HSD3B1: variants seen among roughly 807,000 people sequenced by gnomAD.
HSD3B1 encodes the protein hydroxy-delta-5-steroid dehydrogenase, 3 beta- and steroid delta-isomerase 1, also known as 3 beta-hydroxysteroid dehydrogenase/Delta 5-->4-isomerase type 1.
HSD3B1 carries 11 observed loss-of-function variants against 10.4 expected under a neutral mutation model. The ratio of observed to expected loss-of-function variants is 1.05; its 90% CI spans 0.66 to 1.75. The LOEUF is 1.75. Ranked by LOEUF, HSD3B1 falls within the 40% of genes most tolerant of loss-of-function variation. The pLI is 0.00. For synonymous variants in HSD3B1, 217 were observed against 185.4 expected (o/e 1.17, Z -1.39); for missense variants, 490 against 454.5 (o/e 1.08, Z -0.71).
Position 119,514,174 on chromosome 1 carries a change from G to C in HSD3B1, c.651G>C (p.Lys217Asn), listed in dbSNP as rs748352547. 6.2e-7 allele frequency: 1 copy of C among 1,614,132 alleles called. No individual in the cohort carries two copies. The highest frequency in any genetic ancestry group is 2.2e-5 in the East Asian group (1 of 44,858). Residue 217 changes from lysine to asparagine, a missense_variant, in exon 4 of 4, where the codon AAG becomes AAC. Transcript: ENST00000369413. ...ATGGGATCCTGTCAAGTGTTGGAAA[G>C]TTCTCCACTGTTAACCCAGTCTATG... is the stretch of plus-strand genomic sequence containing the variant. ...NNNGILSSVG[K>N]FSTVNPVYVG...
chr1:119,510,192 G>A (rs954964514), intron 2 of HSD3B1, among the ~76,000 whole-genome samples: 6 of 152,182 alleles, frequency 3.9e-5, no homozygotes, highest in Non-Finnish European at 8.8e-5. Flanking sequence ...TACTGGCAGC[G>A]TCACTTCCTG....
At chr1:119,510,342 G>A (rs1312900397) in intron 2 of HSD3B1, among the ~76,000 whole-genome samples, 1 of 152,126 alleles carries the variant, frequency 6.6e-6, no homozygotes, top group African/African-American at 2.4e-5. Flanking sequence ...AGTTTTCCAG[G>A]GAAATTCATC....
chr1:119,511,332 C>T (rs1177191575), intron 2 of HSD3B1, among the ~76,000 whole-genome samples, 171 bp from the exon 3 acceptor site: 41 of 152,186 alleles, frequency 2.7e-4, no homozygotes, highest in Admixed American at 2.7e-3. Flanking sequence ...GAAATTGATA[C>T]ACATGCTGAT....
In HSD3B1 at chr1:119,514,823, C is replaced by A; in HGVS notation, c.*178C>A. The stretch of plus-strand genomic sequence containing the variant: ...ATCAAAACCTGCGCAGTCATTGGCC[C>A]AACAAGAAGGTTTCTGTCCTAATCA... On this transcript the variant is annotated 3_prime_UTR_variant, in exon 4 of 4. Transcript: ENST00000369413. The A allele has an allele frequency of 2.9e-6, 2 of 694,510 alleles. No individual in the cohort carries two copies. The highest frequency in any genetic ancestry group is 2.5e-6 in the Non-Finnish European group (1 of 403,120). 43.0% of individuals were successfully genotyped at this position (694,510 alleles called of 1,614,324 possible).
chr1:119,508,637 A>T (rs1035066317), intron 2 of HSD3B1, among the ~76,000 whole-genome samples: 2 of 152,156 alleles, frequency 1.3e-5, no homozygotes, highest in East Asian at 3.9e-4. Context: ...GGCAAAGTGG[A>T]TCTTCAGTCT....
chr1:119,514,328 A>C lies in HSD3B1; in HGVS notation c.805A>C (p.Asn269His). Reference protein sequence around the residue: ...DTPHQSYDNLNYTLSKEFGLR... With the variant: ...DTPHQSYDNLHYTLSKEFGLR... ...GCCTCACCAAAGCTATGATAACCTT[A>C]ATTACACCCTGAGCAAAGAGTTCGG... The change falls in exon 4 of 4, where the codon AAT becomes CAT. Residue 269 changes from asparagine to histidine, a missense_variant. Asn to His is a moderately conservative substitution (Grantham distance 68, BLOSUM62 1). Coordinates refer to ENST00000369413, the MANE Select transcript of HSD3B1 (RefSeq NM_000862.3). 1 of 1,614,068 alleles carries C rather than the reference A, an allele frequency of 6.2e-7. No individual in the cohort carries two copies. The highest frequency in any genetic ancestry group is 8.5e-7 in the Non-Finnish European group (1 of 1,180,014).
intron 2 of HSD3B1, among the ~76,000 whole-genome samples, chr1:119,508,563 G>A (rs867114798): frequency 3.3e-5 from 5 of 152,140 alleles, no homozygotes; most frequent in Admixed American, 2.6e-4. Context: ...TGATTGATGC[G>A]TAGCAGAGCT....
intron 2 of HSD3B1, among the ~76,000 whole-genome samples, chr1:119,508,392 T>A (rs1170121109): frequency 6.6e-6 from 1 of 151,606 alleles, no homozygotes; most frequent in South Asian, 2.1e-4. Context: ...AACAAAACAT[T>A]TACCTCTGTT....
At chr1:119,510,534 C>T (rs1451436363) in intron 2 of HSD3B1, among the ~76,000 whole-genome samples, 1 of 151,890 alleles carries the variant, frequency 6.6e-6, no homozygotes, top group Non-Finnish European at 1.5e-5. Flanking sequence ...CCTCTGCTTC[C>T]ACTGCTGGAC....
intron 3 of HSD3B1, among the ~76,000 whole-genome samples, chr1:119,513,517 C>T (rs751775504): frequency 2.6e-5 from 4 of 151,974 alleles, no homozygotes; most frequent in Admixed American, 6.6e-5. Flanking sequence ...TTTGTCAATA[C>T]CCTTACTTGG....
rs2101464810 is a variant in HSD3B1 at position 119,514,017 on chromosome 1, C to G, written c.494C>G (p.Ala165Gly). Residue 165 changes from alanine (A) to glycine (G), a missense_variant, in exon 4 of 4, where the codon GCT becomes GGT. Coordinates refer to ENST00000369413, the MANE Select transcript of HSD3B1 (RefSeq NM_000862.3). ...YPHSKKLAEKAVLAANGWNLK... is the reference protein window; with the variant it reads ...YPHSKKLAEKGVLAANGWNLK... ...CACAGCAAAAAGCTTGCTGAGAAGG[C>G]TGTACTGGCGGCTAACGGGTGGAAT... 8 of 1,614,140 alleles carry G rather than the reference C, an allele frequency of 5.0e-6. No individual in the cohort carries two copies. Among genetic ancestry groups the G allele is most frequent in the Non-Finnish European group, 6.8e-6 (8 of 1,180,014 alleles).
intron 3 of HSD3B1, 137 bp from the exon 4 acceptor site, chr1:119,513,697 A>G: frequency 2.4e-6 from 2 of 825,912 alleles, no homozygotes; most frequent in Non-Finnish European, 3.9e-6. Flanking sequence ...TCTCAGACAG[A>G]ACCACAGAAG....
intron 3 of HSD3B1, among the ~76,000 whole-genome samples, chr1:119,513,072 C>T (rs893825442): frequency 6.6e-6 from 1 of 152,172 alleles, no homozygotes; most frequent in African/African-American, 2.4e-5. Flanking sequence ...ACACTTCTCT[C>T]CCCAGCCCTC....
rs771584625 is a variant in HSD3B1 at position 119,511,643 on chromosome 1, T to A, written c.286T>A (p.Ser96Thr). ...TGTCTTCGGTGTCACTCACAGAGAGTCTATCATGAATGTCAATGTGAAAGG... is the reference window on the plus strand; with the variant it reads ...TGTCTTCGGTGTCACTCACAGAGAGACTATCATGAATGTCAATGTGAAAGG... Reference protein sequence around the residue: ...IDVFGVTHRESIMNVNVKGTQ... With the variant: ...IDVFGVTHRETIMNVNVKGTQ... Residue 96 changes from serine (S) to threonine (T), a missense_variant, in exon 3 of 4, where the codon TCT (serine) becomes ACT (threonine). Ser to Thr is a moderately conservative substitution (Grantham distance 58). Transcript: ENST00000369413. The A allele has an allele frequency of 4.3e-6, 7 of 1,613,434 alleles. No individual in the cohort carries two copies. The highest frequency in any genetic ancestry group is 1.7e-4 in the Middle Eastern group (1 of 6,056).
chr1:119,513,413 A>G (rs1012542675), intron 3 of HSD3B1, among the ~76,000 whole-genome samples: 10 of 152,312 alleles, frequency 6.6e-5, no homozygotes, highest in Admixed American at 5.2e-4. Context: ...CATTTTGCCT[A>G]AGGACTGGAA....
chr1:119,511,326 T>C (rs587616673), intron 2 of HSD3B1, among the ~76,000 whole-genome samples, 177 bp from the exon 3 acceptor site: 1 of 152,296 alleles, frequency 6.6e-6, no homozygotes, highest in South Asian at 2.1e-4. Context: ...TTCCAAGAAA[T>C]TGATACACAT....
rs141790617 is a variant in HSD3B1 at position 119,511,159 on chromosome 1, C to T, written c.146-344C>T. Reference sequence around the variant, plus strand: ...CATTACTTACAGAATTAACTTCAAACTTTTCCCTCATACTCTCTACAATCA... The same window carrying T: ...CATTACTTACAGAATTAACTTCAAATTTTTCCCTCATACTCTCTACAATCA... On this transcript the variant is annotated intron_variant, in intron 2 of 3. Transcript: ENST00000369413. 1.3e-3 allele frequency among the ~76,000 whole-genome samples: 192 copies of T among 152,218 alleles called. 1 individual carries two copies. Among genetic ancestry groups the T allele is most frequent in the African/African-American group, 4.4e-3 (182 of 41,552 alleles).
At position 119,513,861 on chromosome 1, in the gene HSD3B1, T is replaced by C. The variant is rs1654015996; in HGVS notation, c.338T>C (p.Val113Ala). 6.2e-7 allele frequency: 1 copy of C among 1,613,854 alleles called. No individual in the cohort carries two copies. The highest frequency in any genetic ancestry group is 8.5e-7 in the Non-Finnish European group (1 of 1,179,876). ...ACCCAGCTCCTGTTAGAGGCCTGTG[T>C]CCAAGCTAGTGTGCCAGTCTTCATC... The part of the protein sequence containing the change: ...KGTQLLLEAC[V>A]QASVPVFIYT... Residue 113 changes from valine to alanine, a missense_variant, in exon 4 of 4, where the codon GTC becomes GCC. Coordinates refer to ENST00000369413, the MANE Select transcript of HSD3B1 (RefSeq NM_000862.3).
Position 119,507,430 on chromosome 1 carries a change from A to C in HSD3B1, c.-47A>C. ...CACCCTAGAATCAGATCTGCTCCCC[A>C]GCATCTTCTGTTTCCTGGTGAGTGA... On this transcript the variant is annotated 5_prime_UTR_variant, in exon 2 of 4. Coordinates refer to ENST00000369413, the MANE Select transcript of HSD3B1 (RefSeq NM_000862.3). The C allele has an allele frequency of 1.2e-6, 2 of 1,608,470 alleles. No homozygotes were observed. Among genetic ancestry groups the C allele is most frequent in the Non-Finnish European group, 1.7e-6 (2 of 1,176,364 alleles).
Sources: allele counts gnomAD v4.1 joint callset (sites outside exome capture counted in the v4.1 genomes callset), GRCh38; gene constraint gnomAD v4.1.1; transcripts MANE v1.5; gene names NCBI Gene and HGNC (gene_info 2026-07-23, HGNC 2026-07-21).